Variants in MYT1L observed in about 807,000 individuals in gnomAD.
The protein encoded by MYT1L is myelin transcription factor 1 like, also known as myelin transcription factor 1-like protein.
MYT1L carries 12 observed loss-of-function variants against 126.7 expected under a neutral mutation model. The ratio of observed to expected loss-of-function variants is 0.09; its 90% CI spans 0.06 to 0.15. The LOEUF (loss-of-function observed/expected upper bound fraction) is 0.15, where lower values mean the gene tolerates loss of function less well. Among genes scored for constraint, MYT1L ranks in the 10% least tolerant of loss-of-function variants. The probability of loss-of-function intolerance (pLI) is 1.00; values close to 1 mark genes in which losing one functional copy is unlikely to be tolerated. For synonymous variants in MYT1L, 541 were observed against 604.2 expected (o/e 0.90, Z 1.53); for missense variants, 979 against 1,585.2 (o/e 0.62, Z 6.49).
chr2:2,122,966 G>C (rs2081248203), intron 3 of MYT1L, among the ~76,000 whole-genome samples: 4 of 152,090 alleles, frequency 2.6e-5, no homozygotes, highest in African/African-American at 4.8e-5. Context: ...CAGTAGGAGA[G>C]AGAGCTTGGG....
intron 1 of MYT1L, among the ~76,000 whole-genome samples, chr2:2,285,130 C>T (rs1432915994): frequency 6.6e-6 from 1 of 152,242 alleles, no homozygotes; most frequent in Non-Finnish European, 1.5e-5. Context: ...ACAAAGTCTT[C>T]TAACCCGGGG....
chr2:2,166,245 T>C (rs1457631306), intron 3 of MYT1L, among the ~76,000 whole-genome samples: 1 of 152,178 alleles, frequency 6.6e-6, no homozygotes, highest in Non-Finnish European at 1.5e-5. Context: ...CTGTTTTGTC[T>C]ACAGGTCACT....
intron 21 of MYT1L, among the ~76,000 whole-genome samples, chr2:1,829,957 A>T (rs75992692): frequency 2.4e-3 from 370 of 152,314 alleles, no homozygotes; most frequent in African/African-American, 8.6e-3. Flanking sequence ...AAATGTATTG[A>T]GTCAATGGTG....
chr2:2,083,733 G>A (rs1308266352), intron 3 of MYT1L, among the ~76,000 whole-genome samples: 4 of 152,114 alleles, frequency 2.6e-5, no homozygotes, highest in Admixed American at 2.6e-4. Context: ...GAAACCGGGG[G>A]AATAAAAGAG....
chr2:2,276,054 G>T (rs976529902), intron 2 of MYT1L, among the ~76,000 whole-genome samples: 1 of 152,038 alleles, frequency 6.6e-6, no homozygotes, highest in African/African-American at 2.4e-5. Context: ...TGTGTTTCTT[G>T]GTGGAATGTG....
chr2:2,124,942 A>G (rs2081500674), intron 3 of MYT1L, among the ~76,000 whole-genome samples: 1 of 152,260 alleles, frequency 6.6e-6, no homozygotes. Context: ...TTCAACAAAT[A>G]CAATTTACCA....
intron 21 of MYT1L, among the ~76,000 whole-genome samples, chr2:1,818,290 CAA>C (rs993447500): frequency 1.3e-5 from 2 of 152,176 alleles, no homozygotes; most frequent in African/African-American, 2.4e-5. Flanking sequence ...GAACTCACGA[CAA>C]AGAGCTGCGG....
In MYT1L at chr2:1,912,373, C is replaced by T. The variant is rs983962025; in HGVS notation, c.1619-263G>A. ...TGAAAGGCCAGAGAAAGAAGGTTGACGGGACTCTATGCTAAGGGCCTCACA... is the reference window on the plus strand; with the variant it reads ...TGAAAGGCCAGAGAAAGAAGGTTGATGGGACTCTATGCTAAGGGCCTCACA... On this transcript the variant is annotated intron_variant, in intron 11 of 24. Coordinates refer to ENST00000647738, the MANE Select transcript of MYT1L (RefSeq NM_001303052.2). This position sits in a 1 kb window ranked among gnomAD's most constrained non-coding sequence, Gnocchi z 4.3. Among the ~76,000 whole-genome samples the T allele has an allele frequency of 5.3e-5, 8 of 152,148 alleles. No individual in the cohort carries two copies. The highest frequency in any genetic ancestry group is 1.3e-4 in the Admixed American group (2 of 15,278).
intron 1 of MYT1L, chr2:2,303,913 C>T (rs2095822841): frequency 6.6e-6 from 1 of 152,200 alleles, no homozygotes; most frequent in Non-Finnish European, 1.5e-5. Flanking sequence ...CACGTCACAT[C>T]GAAGTGTCCT....
intron 2 of MYT1L, among the ~76,000 whole-genome samples, chr2:2,223,630 C>T (rs1862114): frequency 0.73 from 110,541 of 152,080 alleles, 40,458 homozygotes; most frequent in East Asian, 0.78. Context: ...GACCATTTGC[C>T]CTCATATTTT....
intron 1 of MYT1L, among the ~76,000 whole-genome samples, chr2:2,291,019 A>G (rs1254496515): frequency 2.0e-5 from 3 of 152,162 alleles, no homozygotes; most frequent in Non-Finnish European, 2.9e-5. Flanking sequence ...TTCTAGGGCC[A>G]TTATAAAAAT....
intron 4 of MYT1L, among the ~76,000 whole-genome samples, chr2:2,031,667 C>T (rs2066278418): frequency 7.0e-6 from 1 of 142,242 alleles, no homozygotes. Flanking sequence ...TGCCTCTCAT[C>T]CTGTGGCCCA....
rs2149199946 is a variant in MYT1L at position 1,934,137 on chromosome 2, G to T, written c.505+8845C>A. Among the ~76,000 whole-genome samples the T allele has an allele frequency of 1.3e-5, 2 of 151,378 alleles. 1 individual carries two copies. Among genetic ancestry groups the T allele is most frequent in the Non-Finnish European group, 2.9e-5 (2 of 67,860 alleles). On this transcript the variant is annotated intron_variant, in intron 9 of 24. Coordinates refer to ENST00000647738, the MANE Select transcript of MYT1L (RefSeq NM_001303052.2). ...CTACAGGCACCCGCCACCACGCCTG[G>T]CTAATTTTTTGTATTTTTAGTAGAG... is the stretch of plus-strand genomic sequence containing the variant.
intron 8 of MYT1L, among the ~76,000 whole-genome samples, chr2:1,978,295 G>T (rs1037420219): frequency 1.3e-5 from 2 of 152,198 alleles, no homozygotes; most frequent in African/African-American, 4.8e-5. Context: ...CTCACTGAGG[G>T]TTTGTTAGGC....
At chr2:1,945,665 A>AT (rs2057143653) in intron 8 of MYT1L, among the ~76,000 whole-genome samples, 1 of 152,034 alleles carries the variant, frequency 6.6e-6, no homozygotes, top group Admixed American at 6.6e-5. Context: ...GAAATGAAAA[A>AT]ATATATATAT....
intron 18 of MYT1L, among the ~76,000 whole-genome samples, chr2:1,871,290 C>T (rs1407366312): frequency 1.3e-5 from 2 of 152,228 alleles, no homozygotes; most frequent in Non-Finnish European, 2.9e-5. Flanking sequence ...TGTCTCCGTG[C>T]GCTGATGGAG....
chr2:1,868,262 C>T (rs1258990020), intron 18 of MYT1L, among the ~76,000 whole-genome samples: 5 of 152,222 alleles, frequency 3.3e-5, no homozygotes, highest in Non-Finnish European at 7.3e-5. Flanking sequence ...CGCGCCCGGC[C>T]TTGGCTCTGA....
chr2:1,917,363 G>A lies in MYT1L; in HGVS notation c.1484-24C>T, dbSNP rs1349742493. The A allele has an allele frequency of 3.2e-6, 5 of 1,578,064 alleles. No homozygotes were observed. The highest frequency in any genetic ancestry group is 4.5e-5 in the East Asian group (2 of 44,402). On this transcript the variant is annotated intron_variant, in intron 10 of 24. Coordinates refer to ENST00000647738, the MANE Select transcript of MYT1L (RefSeq NM_001303052.2). This position sits in a 1 kb window ranked among gnomAD's most constrained non-coding sequence, Gnocchi z 5.9. ...ATCTAAAAGCGACAACAGGTGCCAA[G>A]AGAATAAATGTTTACCAATCAAAGA... is the stretch of plus-strand genomic sequence containing the variant.
In MYT1L at chr2:2,228,987, C is replaced by T. The variant is rs1181278792; in HGVS notation, c.-421+55417G>A. ...GTCTTCCAACGTATCCAGCTGAGCT[C>T]CTGGCTCCGATTTCTCAGCAGCAAA... On this transcript the variant is annotated intron_variant, in intron 2 of 24. Transcript: ENST00000647738. The surrounding 1 kb of genome is among the most constrained non-coding windows in gnomAD (Gnocchi z 5.9). Among the ~76,000 whole-genome samples, 1 of 152,142 alleles carries T rather than the reference C, an allele frequency of 6.6e-6. No homozygotes were observed. The highest frequency in any genetic ancestry group is 1.5e-5 in the Non-Finnish European group (1 of 68,030).
Sources: gnomAD v4.1 joint callset for allele counts (sites outside exome capture counted in the v4.1 genomes callset) on GRCh38, gnomAD v4.1.1 for gene constraint, Gnocchi (gnomAD v3.1) non-coding constraint, MANE v1.5 for transcripts, NCBI Gene and HGNC (gene_info 2026-07-23, HGNC 2026-07-21) for gene names.